KCNH8: variants seen among roughly 807,000 people sequenced by gnomAD.
KCNH8 encodes the protein voltage-gated delayed rectifier potassium channel KCNH8.
KCNH8 carries 70 observed loss-of-function variants against 103.6 expected under a neutral mutation model. That is an observed-to-expected ratio of 0.68 (90% CI 0.56 to 0.82). KCNH8 has a LOEUF of 0.82. Ranked by LOEUF, KCNH8 falls within the 40% of genes least tolerant of loss-of-function variation. The probability of loss-of-function intolerance (pLI) is 0.00; values close to 1 mark genes in which losing one functional copy is unlikely to be tolerated. For synonymous variants in KCNH8, 498 were observed against 489.4 expected (o/e 1.02, Z -0.23); for missense variants, 1,217 against 1,329.9 (o/e 0.92, Z 1.32).
In KCNH8 at chr3:19,472,442, G is replaced by T. The variant is rs201435018; in HGVS notation, c.2040+15460G>T. On this transcript the variant is annotated intron_variant, in intron 11 of 15. Coordinates refer to ENST00000328405, the MANE Select transcript of KCNH8 (RefSeq NM_144633.3). ...CATGTGGGCAGGTCTTTCCTGTGCT[G>T]TTCTTATGATAGTGAATTAGTCTCA... is the stretch of plus-strand genomic sequence containing the variant. Among the ~76,000 whole-genome samples, 10 of 152,242 alleles carry T rather than the reference G, an allele frequency of 6.6e-5. No homozygotes were observed. In the East Asian group the frequency reaches 1.7e-3, roughly 26 times the overall value.
Position 19,171,344 on chromosome 3 carries a change from C to G in KCNH8, c.76+22549C>G, listed in dbSNP as rs1354735596. On this transcript the variant is annotated intron_variant, in intron 1 of 15. Coordinates refer to ENST00000328405, the MANE Select transcript of KCNH8 (RefSeq NM_144633.3). ...CCAAGTTTTCTAGGTTAAATTAGGT[C>G]CCTTGGAGAATACAGCTTATATTTT... Among the ~76,000 whole-genome samples, 7 of 152,194 alleles carry G rather than the reference C, an allele frequency of 4.6e-5. No individual in the cohort carries two copies. In the East Asian group the frequency reaches 1.4e-3, roughly 29 times the overall value.
At chr3:19,168,323 G>T (rs1009095743) in intron 1 of KCNH8, among the ~76,000 whole-genome samples, 22 of 151,784 alleles carry the variant, frequency 1.4e-4, no homozygotes, top group African/African-American at 5.1e-4. Flanking sequence ...CACCGCGCCC[G>T]GCCCTCTGTT....
chr3:19,392,161 A>C (rs1159803307), intron 6 of KCNH8, among the ~76,000 whole-genome samples: 1 of 150,668 alleles, frequency 6.6e-6, no homozygotes, highest in Non-Finnish European at 1.5e-5. Context: ...CCCAGAATTA[A>C]CATGGATGAA....
intron 1 of KCNH8, among the ~76,000 whole-genome samples, chr3:19,217,629 A>C (rs1217197034): frequency 1.3e-5 from 2 of 152,180 alleles, no homozygotes; most frequent in African/African-American, 4.8e-5. Context: ...ATGTAAACTG[A>C]GGAACAAAGT....
intron 4 of KCNH8, among the ~76,000 whole-genome samples, chr3:19,344,540 CTCTAATACTACAG>C (rs2065703818): frequency 6.6e-6 from 1 of 152,032 alleles, no homozygotes; most frequent in Admixed American, 6.6e-5. Flanking sequence ...AGCCCAGTGA[CTCTAATACTACAG>C]GTAATATCTT....
chr3:19,492,244 T>C (rs1421102860), intron 11 of KCNH8, among the ~76,000 whole-genome samples: 1 of 152,202 alleles, frequency 6.6e-6, no homozygotes, highest in Admixed American at 6.5e-5. Flanking sequence ...AAAAAATTCT[T>C]TGCCAACACT....
chr3:19,318,661 GTACA>G (rs1161243780), intron 3 of KCNH8, among the ~76,000 whole-genome samples: 18 of 85,270 alleles, frequency 2.1e-4, no homozygotes, highest in African/African-American at 9.4e-4. Flanking sequence ...GTGTGTGTGT[GTACA>G]CACACACACA....
chr3:19,376,104 C>T (rs4626116), intron 5 of KCNH8, among the ~76,000 whole-genome samples: 18,676 of 152,214 alleles, frequency 0.12, 1,208 homozygotes, highest in Middle Eastern at 0.17. Context: ...AGGCAGGCCT[C>T]CTTGAGCTGT....
chr3:19,304,471 A>T (rs1302637204), intron 3 of KCNH8, among the ~76,000 whole-genome samples: 1 of 152,116 alleles, frequency 6.6e-6, no homozygotes, highest in African/African-American at 2.4e-5. Flanking sequence ...CTCTAAATAG[A>T]TAAGAATAAA....
chr3:19,503,834 C>T (rs968808668), intron 11 of KCNH8, among the ~76,000 whole-genome samples: 9 of 151,554 alleles, frequency 5.9e-5, no homozygotes, highest in African/African-American at 1.2e-4. Context: ...TGCTAGATGA[C>T]GAGTTAGTGG....
chr3:19,219,324 CT>C (rs2063848507), intron 1 of KCNH8, among the ~76,000 whole-genome samples: 1 of 152,094 alleles, frequency 6.6e-6, no homozygotes, highest in Non-Finnish European at 1.5e-5. Context: ...TTGTCTGTTG[CT>C]TTTCTTTTTT....
chr3:19,165,014 G>A (rs141508774), intron 1 of KCNH8, among the ~76,000 whole-genome samples: 2 of 152,264 alleles, frequency 1.3e-5, no homozygotes, highest in Admixed American at 1.3e-4. Context: ...AGGATCAAGA[G>A]GGGTGGAATT....
At chr3:19,439,804 G>A (rs1575068758) in intron 8 of KCNH8, among the ~76,000 whole-genome samples, 1 of 151,804 alleles carries the variant, frequency 6.6e-6, no homozygotes, top group African/African-American at 2.4e-5. Flanking sequence ...AAAAAGCAAA[G>A]CCATCTTATG....
chr3:19,246,401 C>T (rs1457481115), intron 1 of KCNH8, among the ~76,000 whole-genome samples: 3 of 150,906 alleles, frequency 2.0e-5, no homozygotes, highest in East Asian at 2.0e-4. Flanking sequence ...CTCAGCCTCC[C>T]GAGTAGCTGG....
At chr3:19,473,275 C>T (rs139632130) in intron 11 of KCNH8, among the ~76,000 whole-genome samples, 2 of 152,284 alleles carry the variant, frequency 1.3e-5, no homozygotes, top group East Asian at 3.9e-4. Flanking sequence ...TTTTCTTTAA[C>T]TTAATTCTAT....
chr3:19,234,023 G>T (rs1029363981), intron 1 of KCNH8, among the ~76,000 whole-genome samples: 1 of 152,156 alleles, frequency 6.6e-6, no homozygotes, highest in Non-Finnish European at 1.5e-5. Context: ...CCACAGTGTG[G>T]AAGGGGACCC....
intron 2 of KCNH8, among the ~76,000 whole-genome samples, chr3:19,260,624 C>G (rs1210377418): frequency 1.4e-5 from 2 of 146,566 alleles, no homozygotes; most frequent in African/African-American, 5.0e-5. Flanking sequence ...CAGCTGTAAG[C>G]TACTCATTTA....
intron 1 of KCNH8, among the ~76,000 whole-genome samples, chr3:19,235,111 C>T (rs907645078): frequency 6.6e-6 from 1 of 152,138 alleles, no homozygotes; most frequent in African/African-American, 2.4e-5. Context: ...AGGAACTTAA[C>T]TCTTGTTTGT....
chr3:19,375,301 A>G (rs1050758336), intron 5 of KCNH8, among the ~76,000 whole-genome samples: 3 of 149,030 alleles, frequency 2.0e-5, no homozygotes, highest in Non-Finnish European at 4.5e-5. Flanking sequence ...GGCTTTGCTC[A>G]TTTGTTTTTA....
Sources: gnomAD v4.1 joint callset for allele counts (sites outside exome capture counted in the v4.1 genomes callset) on GRCh38, gnomAD v4.1.1 for gene constraint, MANE v1.5 for transcripts, NCBI Gene and HGNC (gene_info 2026-07-23, HGNC 2026-07-21) for gene names.